DMD: variants seen among roughly 807,000 people sequenced by gnomAD.
DMD encodes dystrophin.
In DMD, 63 loss-of-function variants were observed where a neutral mutation model predicts 330.1. That is an observed-to-expected ratio of 0.19 (90% CI 0.16 to 0.24). The LOEUF (loss-of-function observed/expected upper bound fraction) is 0.24. Ranked by LOEUF, DMD falls within the 10% of genes least tolerant of loss-of-function variation. DMD has a pLI of 1.00. For missense variants in DMD, 3,344 were observed against 2,684.1 expected (o/e 1.25, Z -5.43); for synonymous variants, 1,223 against 959.8 (o/e 1.27, Z -5.07).
intron 59 of DMD, among the ~76,000 whole-genome samples, chrX:31,458,632 G>A (rs1206863958): frequency 9.1e-6 from 1 of 110,054 alleles, no homozygotes; most frequent in East Asian, 2.8e-4. Flanking sequence ...TTCAAAATAG[G>A]AGTATGATTT....
intron 62 of DMD, among the ~76,000 whole-genome samples, chrX:31,273,903 T>C (rs2051874483): frequency 8.9e-6 from 1 of 112,050 alleles, no homozygotes; most frequent in Non-Finnish European, 1.9e-5. Context: ...TGGATAATAC[T>C]GCCATATTGT....
chrX:32,414,781 G>T (rs1348387305), intron 29 of DMD, among the ~76,000 whole-genome samples: 1 of 112,094 alleles, frequency 8.9e-6, no homozygotes, highest in Non-Finnish European at 1.9e-5. Flanking sequence ...CAGAATGGGG[G>T]TGGGACATTA....
chrX:31,250,888 C>T (rs1311595482), intron 63 of DMD, among the ~76,000 whole-genome samples: 1 of 110,735 alleles, frequency 9.0e-6, no homozygotes, highest in African/African-American at 3.3e-5. Context: ...TCGAGACCAT[C>T]CTAGCCAACA....
At chrX:32,667,674 C>T (rs1241084840) in intron 9 of DMD, among the ~76,000 whole-genome samples, 4 of 110,747 alleles carry the variant, frequency 3.6e-5, no homozygotes, top group Non-Finnish European at 7.5e-5. Context: ...GAAAAGATCA[C>T]ATGTATAATA....
At chrX:32,224,021 T>C (rs1263846323) in intron 43 of DMD, among the ~76,000 whole-genome samples, 4 of 111,625 alleles carry the variant, frequency 3.6e-5, no homozygotes, top group Non-Finnish European at 7.5e-5. Flanking sequence ...CATGGTTCAC[T>C]TTTCAAGAAC....
At chrX:32,690,714 C>T (rs1027084349) in intron 9 of DMD, among the ~76,000 whole-genome samples, 7 of 111,380 alleles carry the variant, frequency 6.3e-5, no homozygotes, top group Non-Finnish European at 1.1e-4. Context: ...TGATGTTCCA[C>T]GATAGAGCCA....
intron 55 of DMD, among the ~76,000 whole-genome samples, chrX:31,561,848 C>T (rs187818260): frequency 1.8e-5 from 2 of 111,980 alleles, no homozygotes; most frequent in South Asian, 3.7e-4. Flanking sequence ...ATTATCTTAT[C>T]GTCCTTGTCC....
At chrX:33,066,161 G>C in intron 1 of DMD, among the ~76,000 whole-genome samples, 1 of 109,898 alleles carries the variant, frequency 9.1e-6, no homozygotes, top group East Asian at 2.9e-4. Flanking sequence ...TAGGAAACGA[G>C]AGTAATAAGG....
Position 31,121,529 on chromosome X carries a change from TTTATAACTG to T in DMD, c.*381_*389del, listed in dbSNP as rs1454627975. 1 of 217,456 alleles carries T rather than the reference TTTATAACTG, an allele frequency of 4.6e-6. No homozygotes were observed. The highest frequency in any genetic ancestry group is 3.0e-5 in the African/African-American group (1 of 33,780). 17.9% of individuals were successfully genotyped at this position (217,456 alleles called of 1,213,427 possible). Reference sequence around the variant, plus strand: ...AGCACACTTTAGTTTACAATCTTTCTTTATAACTGTTATAAATTTTTAAACAACCCAAAA... The same window carrying T: ...AGCACACTTTAGTTTACAATCTTTCTTTATAAATTTTTAAACAACCCAAAA... On this transcript the variant is annotated 3_prime_UTR_variant, in exon 79 of 79. Transcript: ENST00000357033.
chrX:32,605,331 G>T (rs184920925), intron 12 of DMD, among the ~76,000 whole-genome samples: 6 of 110,673 alleles, frequency 5.4e-5, no homozygotes, highest in Admixed American at 4.8e-4. Flanking sequence ...AGTAAATTGT[G>T]CTGTAAATAT....
rs1312712217 is a variant in DMD at position 32,310,209 on chromosome X, G to T, written c.5990C>A (p.Pro1997His). 8.3e-7 allele frequency: 1 copy of T among 1,208,879 alleles called. No individual in the cohort carries two copies. The highest frequency in any genetic ancestry group is 2.2e-5 in the Admixed American group (1 of 45,825). Reference sequence around the variant, plus strand: ...AGTGATTTCAGTCAAATAAGTAGAAGGCACATAAGAAATTTCCAAAGGCAT... The same window carrying T: ...AGTGATTTCAGTCAAATAAGTAGAATGCACATAAGAAATTTCCAAAGGCAT... ...EDMPLEISYV[P>H]STYLTEITHV... The change falls in exon 42 of 79, where the codon CCT becomes CAT. Residue 1997 changes from proline to histidine, a missense_variant. Transcript: ENST00000357033.
intron 1 of DMD, among the ~76,000 whole-genome samples, chrX:33,221,968 A>G (rs2052188496): frequency 9.0e-6 from 1 of 111,218 alleles, no homozygotes. Flanking sequence ...CTGCATTGGA[A>G]AAGTATGCCA....
upstream of DMD, among the ~76,000 whole-genome samples, chrX:33,214,388 A>G (rs1345543202): frequency 8.9e-6 from 1 of 111,779 alleles, no homozygotes; most frequent in Middle Eastern, 4.6e-3. Flanking sequence ...AATTGCATTA[A>G]AATTATGAAT....
chrX:33,132,619 C>A (rs1042428851), intron 1 of DMD, among the ~76,000 whole-genome samples: 3 of 112,494 alleles, frequency 2.7e-5, no homozygotes, highest in African/African-American at 9.7e-5. Context: ...GCATTGGGAA[C>A]TAATTTTATG....
At chrX:32,377,160 A>G (rs2097906503) in intron 34 of DMD, among the ~76,000 whole-genome samples, 2 of 111,647 alleles carry the variant, frequency 1.8e-5, no homozygotes, top group African/African-American at 6.5e-5. Flanking sequence ...AAACTAGTAC[A>G]TTTAGACTCA....
chrX:31,809,324 C>CTA (rs1245838602), intron 50 of DMD, among the ~76,000 whole-genome samples: 20 of 106,691 alleles, frequency 1.9e-4, no homozygotes, highest in African/African-American at 5.7e-4. Flanking sequence ...GTCTATATAG[C>CTA]TATATATATA....
At chrX:32,206,296 G>GT in intron 44 of DMD, 1 of 547,407 alleles carries the variant, frequency 1.8e-6, no homozygotes, top group Non-Finnish European at 3.2e-6. Flanking sequence ...AAACTCATAA[G>GT]TATATCTGGA....
chrX:32,463,395 T>A, intron 25 of DMD, 44 bp downstream of exon 25: 1 of 1,124,375 alleles, frequency 8.9e-7, no homozygotes, highest in East Asian at 3.2e-5. Flanking sequence ...GAAATCTTAG[T>A]TAAGTACGTT....
At chrX:31,723,420 T>C (rs1328245435) in intron 52 of DMD, among the ~76,000 whole-genome samples, 1 of 111,373 alleles carries the variant, frequency 9.0e-6, no homozygotes. Context: ...TTCCAAAGAA[T>C]TCAATCTCCA....
Sources: allele counts gnomAD v4.1 joint callset (sites outside exome capture counted in the v4.1 genomes callset), GRCh38; gene constraint gnomAD v4.1.1; transcripts MANE v1.5; gene names NCBI Gene and HGNC (gene_info 2026-07-23, HGNC 2026-07-21).